TANGO6: variants seen among roughly 807,000 people sequenced by gnomAD.
TANGO6 encodes transport and Golgi organization protein 6 homolog.
A neutral mutation model predicts 114.2 loss-of-function variants in TANGO6; 90 were observed. That is an observed-to-expected ratio of 0.79 (90% CI 0.66 to 0.94). TANGO6 has a LOEUF of 0.94. TANGO6 is among the 40% of genes least tolerant of loss of function. The pLI, the probability that TANGO6 is intolerant of heterozygous loss-of-function variation, is 0.00. For synonymous variants in TANGO6, 477 were observed against 509.8 expected (o/e 0.94, Z 0.87); for missense variants, 1,274 against 1,315.3 (o/e 0.97, Z 0.49).
chr16:69,041,904 C>G (rs1228248248), intron 17 of TANGO6, among the ~76,000 whole-genome samples: 3 of 152,134 alleles, frequency 2.0e-5, no homozygotes, highest in African/African-American at 4.8e-5. Flanking sequence ...ATCTTTGTGG[C>G]CTTTGCCTCA....
chr16:69,056,703 A>T (rs1053092678), intron 17 of TANGO6, among the ~76,000 whole-genome samples: 1 of 152,200 alleles, frequency 6.6e-6, no homozygotes, highest in Non-Finnish European at 1.5e-5. Flanking sequence ...TGAATTAGGT[A>T]ACTAAAGCTC....
chr16:68,965,050 G>A (rs778911154), intron 14 of TANGO6, among the ~76,000 whole-genome samples: 3 of 152,162 alleles, frequency 2.0e-5, no homozygotes, highest in Non-Finnish European at 4.4e-5. Context: ...GATTTCTAGA[G>A]TAGAATTTCT....
intron 4 of TANGO6, among the ~76,000 whole-genome samples, chr16:68,873,417 G>A (rs928169503): frequency 6.6e-6 from 1 of 152,068 alleles, no homozygotes; most frequent in Non-Finnish European, 1.5e-5. Context: ...AGGTTCAAGC[G>A]ATTGTCCTGC....
At chr16:68,942,902 A>ATT (rs527605851) in intron 14 of TANGO6, among the ~76,000 whole-genome samples, 7 of 143,198 alleles carry the variant, frequency 4.9e-5, no homozygotes, top group Non-Finnish European at 6.1e-5. Context: ...TTAATTTTTA[A>ATT]TTTTTTTTTT....
At chr16:68,891,433 C>T (rs572279469) in intron 7 of TANGO6, among the ~76,000 whole-genome samples, 108 of 152,268 alleles carry the variant, frequency 7.1e-4, no homozygotes, top group African/African-American at 2.4e-3. Context: ...TCTTTCCAAC[C>T]TGGGTGACAG....
intron 2 of TANGO6, among the ~76,000 whole-genome samples, chr16:68,861,411 A>G (rs1466760313): frequency 1.3e-5 from 2 of 152,192 alleles, no homozygotes; most frequent in Non-Finnish European, 1.5e-5. Flanking sequence ...ATTCATAAAC[A>G]TTTGCCTAAA....
chr16:68,985,646 A>C (rs1963882035), intron 15 of TANGO6, among the ~76,000 whole-genome samples: 1 of 152,136 alleles, frequency 6.6e-6, no homozygotes, highest in Non-Finnish European at 1.5e-5. Flanking sequence ...CCGGGAGGTC[A>C]AGGCTGCAGT....
rs146006753 is a variant in TANGO6, at chr16:69,028,050, G to A, written c.2994+5071G>A. 2.7e-3 allele frequency among the ~76,000 whole-genome samples: 410 copies of A among 151,914 alleles called. 3 individuals are homozygous for A. Among genetic ancestry groups the A allele is most frequent in the African/African-American group, 9.5e-3 (395 of 41,476 alleles). On this transcript the variant is annotated intron_variant, in intron 16 of 17. Coordinates refer to ENST00000261778, the MANE Select transcript of TANGO6 (RefSeq NM_024562.2). ...TCTCTGCTCACTGCAACCTCCACCT[G>A]CCGGGTTCAAGTGATTCTCCTGCCT...
chr16:68,973,022 G>A (rs564774782), intron 14 of TANGO6: 56 of 415,170 alleles, frequency 1.3e-4, no homozygotes, highest in East Asian at 8.3e-4. Context: ...AAAGGAAGGC[G>A]GGGGATGGGG....
intron 17 of TANGO6, among the ~76,000 whole-genome samples, chr16:69,053,235 A>G (rs1959981560): frequency 6.6e-6 from 1 of 152,196 alleles, no homozygotes; most frequent in African/African-American, 2.4e-5. Context: ...TATTATTATT[A>G]ACATGCTCTC....
At chr16:69,070,725 T>C (rs1248104866) in intron 17 of TANGO6, among the ~76,000 whole-genome samples, 1 of 147,342 alleles carries the variant, frequency 6.8e-6, no homozygotes, top group African/African-American at 2.5e-5. Flanking sequence ...TTTTCTTAAT[T>C]GCTATAGTTT....
intron 17 of TANGO6, among the ~76,000 whole-genome samples, chr16:69,041,378 G>A (rs570223511): frequency 4.0e-4 from 61 of 151,930 alleles, no homozygotes; most frequent in African/African-American, 1.3e-3. Context: ...CCCGGGAGGC[G>A]GAGGTTGCAG....
intron 11 of TANGO6, among the ~76,000 whole-genome samples, chr16:68,914,401 A>T (rs1962970583): frequency 6.6e-6 from 1 of 152,198 alleles, no homozygotes. Context: ...ACCTCAGGTG[A>T]TCTGCCTGCC....
chr16:69,006,503 G>A (rs961054788), intron 15 of TANGO6, among the ~76,000 whole-genome samples: 2 of 151,976 alleles, frequency 1.3e-5, no homozygotes, highest in Non-Finnish European at 2.9e-5. Flanking sequence ...TAGCACTTTG[G>A]GAGGCCAAGG....
intron 7 of TANGO6, among the ~76,000 whole-genome samples, chr16:68,894,286 T>TAAATAGGGTAA (rs1567533939): frequency 6.6e-6 from 1 of 152,000 alleles, no homozygotes; most frequent in Non-Finnish European, 1.5e-5. Flanking sequence ...TTTGGGAGTG[T>TAAATAGGGTAA]AAATAGGGTA....
chr16:68,886,298 A>T (rs1280387678), intron 7 of TANGO6, among the ~76,000 whole-genome samples: 2 of 144,976 alleles, frequency 1.4e-5, no homozygotes, highest in Admixed American at 6.9e-5. Flanking sequence ...CGCTGCAACA[A>T]CCTCTGCCTC....
At chr16:68,888,630 C>G (rs1238042956) in intron 7 of TANGO6, among the ~76,000 whole-genome samples, 1 of 151,990 alleles carries the variant, frequency 6.6e-6, no homozygotes, top group African/African-American at 2.4e-5. Context: ...TTTAATTATC[C>G]AAGTCTTTTC....
intron 12 of TANGO6, among the ~76,000 whole-genome samples, chr16:68,921,607 C>CTTTTTTTTTTT (rs1167059062): frequency 3.5e-5 from 2 of 57,942 alleles, no homozygotes; most frequent in African/African-American, 8.3e-5. Context: ...TGAGAGTGTG[C>CTTTTTTTTTTT]TTTTTTTTTT....
intron 14 of TANGO6, among the ~76,000 whole-genome samples, chr16:68,940,572 G>A (rs945666630): frequency 6.9e-6 from 1 of 144,464 alleles, no homozygotes; most frequent in Non-Finnish European, 1.5e-5. Flanking sequence ...TCACTGGTTA[G>A]GGCATTGGAC....
Sources: allele counts gnomAD v4.1 joint callset (sites outside exome capture counted in the v4.1 genomes callset), GRCh38; gene constraint gnomAD v4.1.1; transcripts MANE v1.5; gene names NCBI Gene and HGNC (gene_info 2026-07-23, HGNC 2026-07-21).